INPP5F: variants seen among roughly 807,000 people sequenced by gnomAD.
INPP5F encodes the protein phosphatidylinositide 4-phosphatase SAC2.
In INPP5F, 97 loss-of-function variants were observed where a neutral mutation model predicts 137.2. That is an observed-to-expected ratio of 0.71 (90% CI 0.60 to 0.84). The LOEUF is 0.84. INPP5F is among the 40% of genes least tolerant of loss of function. INPP5F has a pLI of 0.00. For missense variants in INPP5F, 1,271 were observed against 1,371.9 expected, an observed-to-expected ratio of 0.93 and a Z score of 1.16; for synonymous variants, 504 against 476.9, an observed-to-expected ratio of 1.06 and a Z score of -0.74.
At chr10:119,825,380 T>C (rs993955510) in intron 19 of INPP5F, among the ~76,000 whole-genome samples, 1 of 152,196 alleles carries the variant, frequency 6.6e-6, no homozygotes, top group African/African-American at 2.4e-5. Context: ...AGTTTCATTA[T>C]CTTGAGTGAT....
chr10:119,809,681 T>C (rs944181656), intron 13 of INPP5F, among the ~76,000 whole-genome samples: 4 of 151,456 alleles, frequency 2.6e-5, no homozygotes, highest in Admixed American at 2.0e-4. Context: ...ACACCCAGGC[T>C]AAAAGCCCAT....
At chr10:119,770,173 C>G (rs1053686481) in intron 2 of INPP5F, among the ~76,000 whole-genome samples, 5 of 152,106 alleles carry the variant, frequency 3.3e-5, no homozygotes, top group African/African-American at 1.2e-4. Context: ...CCTTGTCTCT[C>G]TTTTCCAGGA....
At chr10:119,775,601 C>T (rs1440335867) in intron 2 of INPP5F, among the ~76,000 whole-genome samples, 2 of 152,076 alleles carry the variant, frequency 1.3e-5, no homozygotes, top group Non-Finnish European at 2.9e-5. Context: ...TAACCCAAAG[C>T]CCATGGGGTT....
chr10:119,805,190 C>T (rs1371738995), intron 10 of INPP5F, among the ~76,000 whole-genome samples, 194 bp from the exon 11 acceptor site: 1 of 152,102 alleles, frequency 6.6e-6, no homozygotes, highest in Non-Finnish European at 1.5e-5. Context: ...TTTAAGTATG[C>T]TTTATTTCAC....
rs1850463921 is a variant in INPP5F at position 119,798,445 on chromosome 10, G to A, written c.1049-98G>A. 5 of 787,054 alleles carry A rather than the reference G, an allele frequency of 6.4e-6. No homozygotes were observed. The Admixed American group carries it at 7.2e-5, about 11-fold the overall frequency. 48.8% of individuals were successfully genotyped at this position (787,054 alleles called of 1,614,324 possible). On this transcript the variant is annotated intron_variant, in intron 8 of 19. Coordinates refer to ENST00000650623, the MANE Select transcript of INPP5F (RefSeq NM_014937.4). ...TAGACAATCTTAGTTCATTTGGGCT[G>A]TCAATAAATTATTTAAAAGTAAGAA...
At chr10:119,732,402 T>C (rs1018758594) in intron 1 of INPP5F, among the ~76,000 whole-genome samples, 1 of 151,716 alleles carries the variant, frequency 6.6e-6, no homozygotes, top group Non-Finnish European at 1.5e-5. Flanking sequence ...TTGAGGGAGG[T>C]TTTTGTGTAT....
At chr10:119,795,809 A>T (rs1441082288) in intron 6 of INPP5F, among the ~76,000 whole-genome samples, 4 of 151,956 alleles carry the variant, frequency 2.6e-5, no homozygotes, top group Non-Finnish European at 5.9e-5. Flanking sequence ...AGTGAACGAG[A>T]CTCCGTCTGC....
intron 9 of INPP5F, among the ~76,000 whole-genome samples, chr10:119,802,832 G>T (rs966519573): frequency 1.3e-5 from 2 of 152,154 alleles, no homozygotes; most frequent in Non-Finnish European, 2.9e-5. Flanking sequence ...AGCAACAGTA[G>T]GAGCTAGTGC....
chr10:119,769,327 C>G (rs1849267931), intron 2 of INPP5F, among the ~76,000 whole-genome samples: 1 of 152,024 alleles, frequency 6.6e-6, no homozygotes, highest in Non-Finnish European at 1.5e-5. Context: ...GAGACAGTGT[C>G]TCACTATGCT....
At position 119,805,504 on chromosome 10, in the gene INPP5F, T is replaced by C. The variant is rs780998140; in HGVS notation, c.1319+43T>C. Reference sequence around the variant, plus strand: ...ACTCCTTTTTACAGACTCTGGGATCTGTAAAATAGTACCACTGAGCATTAA... The same window carrying C: ...ACTCCTTTTTACAGACTCTGGGATCCGTAAAATAGTACCACTGAGCATTAA... On this transcript the variant is annotated intron_variant, in intron 11 of 19. Transcript: ENST00000650623. 1.1e-5 allele frequency: 14 copies of C among 1,274,882 alleles called. No homozygotes were observed. In the South Asian group the frequency reaches 1.6e-4, roughly 14 times the overall value. 79.0% of individuals were successfully genotyped at this position (1,274,882 alleles called of 1,614,324 possible).
At chr10:119,729,689 C>G (rs1847996711) in intron 1 of INPP5F, among the ~76,000 whole-genome samples, 1 of 151,602 alleles carries the variant, frequency 6.6e-6, no homozygotes, top group South Asian at 2.1e-4. Flanking sequence ...CTATTCCTCC[C>G]ACCTCAGTCC....
chr10:119,752,714 G>T (rs1848722770), intron 2 of INPP5F, among the ~76,000 whole-genome samples: 1 of 151,430 alleles, frequency 6.6e-6, no homozygotes, highest in Non-Finnish European at 1.5e-5. Flanking sequence ...TATTCCCTTG[G>T]TTTTCGTTTT....
chr10:119,755,988 T>C (rs1292940678), intron 2 of INPP5F, among the ~76,000 whole-genome samples: 1 of 151,848 alleles, frequency 6.6e-6, no homozygotes, highest in Non-Finnish European at 1.5e-5. Context: ...AAACCCCATA[T>C]CTACTAGAAA....
chr10:119,799,779 ATG>A (rs1004958380), intron 9 of INPP5F, among the ~76,000 whole-genome samples: 4 of 152,200 alleles, frequency 2.6e-5, no homozygotes, highest in African/African-American at 9.6e-5. Flanking sequence ...ATGAACCTAA[ATG>A]TGAAAGGTTA....
chr10:119,740,103 C>G (rs1182370770), intron 1 of INPP5F, among the ~76,000 whole-genome samples: 2 of 152,024 alleles, frequency 1.3e-5, no homozygotes, highest in Middle Eastern at 3.2e-3. Flanking sequence ...AAAATTTACA[C>G]TTTCTATTTA....
At chr10:119,749,729 T>G (rs2134122312) in intron 1 of INPP5F, among the ~76,000 whole-genome samples, 1 of 152,320 alleles carries the variant, frequency 6.6e-6, no homozygotes, top group East Asian at 1.9e-4. Context: ...GTTGTCAAGA[T>G]TAGAAATGAT....
rs1850154645 is a variant in INPP5F at position 119,791,785 on chromosome 10, CA to C, written c.445-83del. On this transcript the variant is annotated intron_variant, in intron 4 of 19. Coordinates refer to ENST00000650623, the MANE Select transcript of INPP5F (RefSeq NM_014937.4). ...CTCCTTATGCCCTTGGGATTATTTT[CA>C]CTTCTGTCTTAGGAATTTATGTGTT... 24 of 1,360,052 alleles carry C rather than the reference CA, an allele frequency of 1.8e-5. No individual in the cohort carries two copies. The South Asian group carries it at 3.2e-4, about 18-fold the overall frequency. 84.2% of individuals were successfully genotyped at this position (1,360,052 alleles called of 1,614,324 possible). A position where few individuals can be genotyped will look rare whatever the true frequency, so the allele number is the denominator to read the frequency against.
intron 1 of INPP5F, among the ~76,000 whole-genome samples, chr10:119,729,997 T>G (rs1236695141): frequency 6.6e-6 from 1 of 152,178 alleles, no homozygotes; most frequent in African/African-American, 2.4e-5. Flanking sequence ...TTTCTGGTGT[T>G]TCTAATTTTT....
At chr10:119,773,143 G>C (rs563431843) in intron 2 of INPP5F, among the ~76,000 whole-genome samples, 2 of 151,746 alleles carry the variant, frequency 1.3e-5, no homozygotes, top group South Asian at 2.1e-4. Flanking sequence ...TGCAACCTTC[G>C]CCTCCTGGGG....
Sources: gnomAD v4.1 joint callset for allele counts (sites outside exome capture counted in the v4.1 genomes callset) on GRCh38, gnomAD v4.1.1 for gene constraint, MANE v1.5 for transcripts, NCBI Gene and HGNC (gene_info 2026-07-23, HGNC 2026-07-21) for gene names.